SVEP1: variants seen among roughly 807,000 people sequenced by gnomAD.
SVEP1 encodes sushi, von Willebrand factor type A, EGF and pentraxin domain-containing protein 1.
In SVEP1, 164 loss-of-function variants were observed where a neutral mutation model predicts 367.3. That is an observed-to-expected ratio of 0.45 (90% CI 0.39 to 0.51). SVEP1 has a LOEUF of 0.51. Ranked by LOEUF, SVEP1 falls within the 20% of genes least tolerant of loss-of-function variation. The pLI is 0.00. For missense variants in SVEP1, 4,117 were observed against 4,425.3 expected, an observed-to-expected ratio of 0.93 and a Z score of 1.98; for synonymous variants, 1,666 against 1,611.6, an observed-to-expected ratio of 1.03 and a Z score of -0.81.
chr9:110,405,908 G>T (rs369639641), intron 38 of SVEP1, among the ~76,000 whole-genome samples: 1 of 152,240 alleles, frequency 6.6e-6, no homozygotes, highest in East Asian at 1.9e-4. Context: ...TTTGTTTCAC[G>T]AAGCTCAACA....
chr9:110,439,635 G>A (rs1438899039), intron 27 of SVEP1, among the ~76,000 whole-genome samples: 3 of 151,922 alleles, frequency 2.0e-5, no homozygotes, highest in African/African-American at 7.3e-5. Context: ...CCTGACCCCA[G>A]GTGATCCACT....
Position 110,392,151 on chromosome 9 carries a change from A to ATATATATATATC in SVEP1, c.9823-2565_9823-2564insGATATATATATA, listed in dbSNP as rs1308038317. On this transcript the variant is annotated intron_variant, in intron 40 of 47. Transcript: ENST00000374469. Reference sequence around the variant, plus strand: ...TTCCTCATTATATATATATATATATATATCTCTTCTCTCTCTCTCCTATTG... The same window carrying ATATATATATATC: ...TTCCTCATTATATATATATATATATATATATATATATCTATCTCTTCTCTCTCTCTCCTATTG... Among the ~76,000 whole-genome samples the ATATATATATATC allele has an allele frequency of 1.8e-3, 267 of 146,052 alleles. 6 individuals are homozygous for ATATATATATATC. Among genetic ancestry groups the ATATATATATATC allele is most frequent in the African/African-American group, 6.5e-3 (244 of 37,416 alleles).
At chr9:110,451,907 T>C (rs1056012493) in intron 22 of SVEP1, among the ~76,000 whole-genome samples, 1 of 152,220 alleles carries the variant, frequency 6.6e-6, no homozygotes, top group African/African-American at 2.4e-5. Flanking sequence ...GAACAACTAA[T>C]GTTATTCATA....
chr9:110,397,625 G>T (rs1006587094), intron 40 of SVEP1, among the ~76,000 whole-genome samples: 2,856 of 152,096 alleles, frequency 0.019, 81 homozygotes, highest in African/African-American at 0.065. Flanking sequence ...CTCCTTAAGT[G>T]GATAAGCAAC....
At chr9:110,427,862 G>C in intron 35 of SVEP1, 104 bp from the exon 36 acceptor site, 1 of 1,352,316 alleles carries the variant, frequency 7.4e-7, no homozygotes, top group South Asian at 1.5e-5. Context: ...TGAGGAATTT[G>C]AGTACACAAA....
At chr9:110,377,161 C>G (rs568158906) in intron 45 of SVEP1, 110 bp downstream of exon 45, 1 of 929,424 alleles carries the variant, frequency 1.1e-6, no homozygotes, top group East Asian at 2.6e-5. Flanking sequence ...CAAGGACTTA[C>G]AGCAAATGAA....
chr9:110,562,733 G>C (rs1166167707), intron 1 of SVEP1, among the ~76,000 whole-genome samples: 1 of 152,004 alleles, frequency 6.6e-6, no homozygotes, highest in Non-Finnish European at 1.5e-5. Flanking sequence ...TTGTTGCCTA[G>C]GCTGGAGTAC....
chr9:110,546,401 C>A (rs1246412805), intron 2 of SVEP1, 110 bp from the exon 3 acceptor site: 4 of 1,225,596 alleles, frequency 3.3e-6, no homozygotes, highest in Non-Finnish European at 3.4e-6. Context: ...TTCCATATCC[C>A]TCTAATTCCC....
At chr9:110,463,878 C>T (rs1828897840) in intron 18 of SVEP1, among the ~76,000 whole-genome samples, 1 of 152,020 alleles carries the variant, frequency 6.6e-6, no homozygotes, top group Admixed American at 6.6e-5. Context: ...TTTTGTCATT[C>T]CTAATTCCCA....
intron 26 of SVEP1, among the ~76,000 whole-genome samples, chr9:110,445,432 A>T (rs1216340883): frequency 6.6e-6 from 1 of 152,160 alleles, no homozygotes; most frequent in Non-Finnish European, 1.5e-5. Flanking sequence ...ACTTTTAGAG[A>T]TCCTATTATA....
chr9:110,404,253 T>C, intron 39 of SVEP1, 74 bp downstream of exon 39: 1 of 1,430,018 alleles, frequency 7.0e-7, no homozygotes, highest in Non-Finnish European at 9.7e-7. Context: ...TTGGGATTAC[T>C]ATTATAGATA....
chr9:110,459,875 A>G (rs1021707695), intron 18 of SVEP1, among the ~76,000 whole-genome samples: 1 of 152,022 alleles, frequency 6.6e-6, no homozygotes, highest in South Asian at 2.1e-4. Flanking sequence ...TGCTTATTAG[A>G]AATTTTATTT....
intron 6 of SVEP1, 114 bp downstream of exon 6, chr9:110,502,924 A>C: frequency 9.3e-7 from 1 of 1,071,312 alleles, no homozygotes; most frequent in Non-Finnish European, 1.3e-6. Context: ...ACATGTGGAT[A>C]TGTATTTATA....
At chr9:110,433,364 CAAAAAAAAAAA>C (rs10611877) in intron 30 of SVEP1, among the ~76,000 whole-genome samples, 1 of 80,494 alleles carries the variant, frequency 1.2e-5, no homozygotes, top group Non-Finnish European at 2.1e-5. Context: ...GTAGATAGGC[CAAAAAAAAAAA>C]AAAAAAAAAA....
intron 22 of SVEP1, among the ~76,000 whole-genome samples, chr9:110,454,888 C>T (rs1289839509): frequency 1.3e-5 from 2 of 152,172 alleles, no homozygotes; most frequent in East Asian, 3.8e-4. Flanking sequence ...ATTATCTGTA[C>T]TCCAAACCTC....
chr9:110,368,122 C>T (rs1827225544), intron 47 of SVEP1, among the ~76,000 whole-genome samples: 1 of 142,328 alleles, frequency 7.0e-6, no homozygotes, highest in Admixed American at 7.0e-5. Context: ...ATGAACTAAA[C>T]AGAAGAAAAC....
intron 17 of SVEP1, among the ~76,000 whole-genome samples, chr9:110,466,494 C>G (rs997564193): frequency 2.6e-5 from 4 of 152,076 alleles, no homozygotes; most frequent in Non-Finnish European, 5.9e-5. Flanking sequence ...CACGGTGGCT[C>G]ACGCCTGTAA....
At chr9:110,552,022 AC>A (rs1481317893) in intron 1 of SVEP1, among the ~76,000 whole-genome samples, 6 of 121,698 alleles carry the variant, frequency 4.9e-5, no homozygotes, top group Non-Finnish European at 7.0e-5. Flanking sequence ...GTGGTACCCA[AC>A]CTTTTTTTTT....
At chr9:110,440,993 T>G (rs1291176876) in intron 27 of SVEP1, among the ~76,000 whole-genome samples, 1 of 152,244 alleles carries the variant, frequency 6.6e-6, no homozygotes, top group East Asian at 1.9e-4. Flanking sequence ...GAATTCTCTG[T>G]TTCTTCATTT....
Sources: gnomAD v4.1 joint callset for allele counts (sites outside exome capture counted in the v4.1 genomes callset) on GRCh38, gnomAD v4.1.1 for gene constraint, MANE v1.5 for transcripts, NCBI Gene and HGNC (gene_info 2026-07-23, HGNC 2026-07-21) for gene names.